SLC12A3: variants seen among roughly 807,000 people sequenced by gnomAD.
SLC12A3 encodes the protein solute carrier family 12 member 3, also known as Na-Cl cotransporter.
SLC12A3 carries 104 observed loss-of-function variants against 121.0 expected under a neutral mutation model. That is an observed-to-expected ratio of 0.86 (90% confidence interval 0.73 to 1.01). The LOEUF is 1.01. Ranked by LOEUF, SLC12A3 falls within the 50% of genes least tolerant of loss-of-function variation. The pLI is 0.00. For missense variants in SLC12A3, 1,328 were observed against 1,356.3 expected, an observed-to-expected ratio of 0.98 and a Z score of 0.33; for synonymous variants, 536 against 533.4, an observed-to-expected ratio of 1.00 and a Z score of -0.07.
chr16:56,876,875 C>G (rs1159990556), intron 8 of SLC12A3, among the ~76,000 whole-genome samples: 2 of 152,178 alleles, frequency 1.3e-5, no homozygotes, highest in African/African-American at 4.8e-5. Context: ...CTGTAAAAAT[C>G]CCAGCCTGTG....
chr16:56,882,559 T>G (rs1338985186), intron 13 of SLC12A3, 62 bp downstream of exon 13: 10 of 1,317,922 alleles, frequency 7.6e-6, no homozygotes, highest in Non-Finnish European at 1.1e-5. Context: ...AACTGGGGCA[T>G]GGGGTGGGAG....
intron 11 of SLC12A3, 45 bp downstream of exon 11, chr16:56,879,694 T>A: frequency 1.4e-6 from 2 of 1,450,210 alleles, no homozygotes; most frequent in Non-Finnish European, 1.9e-6. Context: ...GTGGGGAGCC[T>A]GGGCTAGAGG....
rs1036132756 is a variant in SLC12A3, at chr16:56,899,511, C to A, written c.2634-19C>A. On this transcript the variant is annotated intron_variant, in intron 22 of 25. Coordinates refer to ENST00000563236, the MANE Select transcript of SLC12A3 (RefSeq NM_001126108.2). ...CTCAAGAAAAAGTAATAACAATAAA[C>A]CCTCCATGTGTCCTCCAGGATCATT... The A allele has an allele frequency of 7.5e-6, 12 of 1,590,896 alleles. No individual in the cohort carries two copies. The highest frequency in any genetic ancestry group is 5.5e-5 in the South Asian group (5 of 90,622).
intron 18 of SLC12A3, 126 bp from the exon 19 acceptor site, chr16:56,890,148 G>A (rs566368594): frequency 1.3e-6 from 1 of 754,232 alleles, no homozygotes; most frequent in East Asian, 2.5e-5. Context: ...GGAAACTGAG[G>A]CCCAGAGAAC....
At position 56,879,262 on chromosome 16, in the gene SLC12A3, G is replaced by A. The variant is rs780654017; in HGVS notation, c.1335+35G>A. 24 of 1,612,952 alleles carry A rather than the reference G, an allele frequency of 1.5e-5. 1 individual carries two copies. In the South Asian group the frequency reaches 2.0e-4, roughly 13 times the overall value. On this transcript the variant is annotated intron_variant, in intron 10 of 25. Transcript: ENST00000563236. ...GGAGAGCTGACCCACCAGACACAGT[G>A]GGGGCTGGGTGGAGGCTGCAGGGCC...
chr16:56,909,413 A>T (rs1253622158), intron 25 of SLC12A3, among the ~76,000 whole-genome samples: 1 of 55,864 alleles, frequency 1.8e-5, no homozygotes, highest in Non-Finnish European at 3.8e-5. Context: ...CTCCCTTCCC[A>T]CCCCCCATCC....
At chr16:56,892,048 A>G (rs776933602) in intron 19 of SLC12A3, 35 bp from the exon 20 acceptor site, 5 of 1,552,500 alleles carry the variant, frequency 3.2e-6, no homozygotes, top group Non-Finnish European at 4.4e-6. Context: ...TCAGACAAGG[A>G]GAGCCTGTGA....
rs1444557969 is a variant in SLC12A3 at position 56,902,038 on chromosome 16, C to T, written c.2721-335C>T. On this transcript the variant is annotated intron_variant, in intron 23 of 25. Transcript: ENST00000563236. ...ATATTTATTTGCTACTTGCTTATCACCGTGGCTCTGTGAGGACTGGGGACA... is the reference window on the plus strand; with the variant it reads ...ATATTTATTTGCTACTTGCTTATCATCGTGGCTCTGTGAGGACTGGGGACA... 2.6e-5 allele frequency among the ~76,000 whole-genome samples: 4 copies of T among 152,202 alleles called. No individual in the cohort carries two copies. In the East Asian group the frequency reaches 7.7e-4, roughly 29 times the overall value.
intron 4 of SLC12A3, 69 bp downstream of exon 4, chr16:56,869,893 A>C: frequency 6.8e-7 from 1 of 1,469,632 alleles, no homozygotes; most frequent in South Asian, 1.1e-5. Context: ...AGGACTCCCA[A>C]CTTCCCCAAC....
chr16:56,909,694 G>C (rs983885844), intron 25 of SLC12A3, among the ~76,000 whole-genome samples: 1 of 152,054 alleles, frequency 6.6e-6, no homozygotes, highest in Non-Finnish European at 1.5e-5. Context: ...TCAGTCAGAG[G>C]GTCCGCTTCA....
Position 56,872,708 on chromosome 16 carries a change from C to T in SLC12A3, c.1017C>T (p.Thr339=), listed in dbSNP as rs1159677951. Residue 339 remains threonine (T), a synonymous_variant, in exon 8 of 26, where the codon ACC becomes ACT. Transcript: ENST00000563236. ...CTGACTGGCGGGGTCCAGATGGCACCTTCTTCGGAATGTTCTCCATCTTCT... is the reference window on the plus strand; with the variant it reads ...CTGACTGGCGGGGTCCAGATGGCACTTTCTTCGGAATGTTCTCCATCTTCT... ...LVPDWRGPDG[T]FFGMFSIFFP... 1.9e-6 allele frequency: 3 copies of T among 1,614,256 alleles called. No individual in the cohort carries two copies. Among genetic ancestry groups the T allele is most frequent in the Non-Finnish European group, 2.5e-6 (3 of 1,180,044 alleles).
intron 18 of SLC12A3, among the ~76,000 whole-genome samples, chr16:56,888,982 G>A (rs1405771325): frequency 6.6e-6 from 1 of 152,218 alleles, no homozygotes; most frequent in Non-Finnish European, 1.5e-5. Flanking sequence ...CGGTGCCCCT[G>A]AACAGGGAAG....
intron 25 of SLC12A3, among the ~76,000 whole-genome samples, chr16:56,911,487 G>A (rs2055684875): frequency 6.6e-6 from 1 of 152,052 alleles, no homozygotes; most frequent in Non-Finnish European, 1.5e-5. Flanking sequence ...ATCATGCCCA[G>A]CTAATTTTTC....
At chr16:56,903,939 C>T (rs1219707474) in intron 24 of SLC12A3, among the ~76,000 whole-genome samples, 2 of 152,188 alleles carry the variant, frequency 1.3e-5, no homozygotes, top group African/African-American at 4.8e-5. Context: ...TTTTAGTGTA[C>T]CAGGCCCTCT....
rs535960236 is a variant in SLC12A3 at position 56,870,790 on chromosome 16, G to C, written c.852+54G>C. The C allele has an allele frequency of 7.9e-4, 882 of 1,119,760 alleles. 9 individuals carry two copies. In the South Asian group the frequency reaches 0.01, roughly 13 times the overall value. 69.4% of individuals were successfully genotyped at this position (1,119,760 alleles called of 1,614,324 possible). A position where few individuals can be genotyped will look rare whatever the true frequency, so the allele number is the denominator to read the frequency against. On this transcript the variant is annotated intron_variant, in intron 6 of 25. Coordinates refer to ENST00000563236, the MANE Select transcript of SLC12A3 (RefSeq NM_001126108.2). Reference sequence around the variant, plus strand: ...GGAGGTGGTCACGTGGAGAAGCGGGGGTTGCCAGGCCTGGGCCCTCCCTGG... The same window carrying C: ...GGAGGTGGTCACGTGGAGAAGCGGGCGTTGCCAGGCCTGGGCCCTCCCTGG...
chr16:56,877,157 T>C (rs79968526), intron 8 of SLC12A3, among the ~76,000 whole-genome samples: 8,944 of 152,226 alleles, frequency 0.059, 437 homozygotes, highest in African/African-American at 0.13. Flanking sequence ...TTTGGGAGGC[T>C]GAGGTGGGTG....
At chr16:56,869,152 A>G (rs1964430527) in intron 3 of SLC12A3, among the ~76,000 whole-genome samples, 1 of 152,152 alleles carries the variant, frequency 6.6e-6, no homozygotes, top group Admixed American at 6.5e-5. Context: ...TGTGGCTTTT[A>G]CAGGATGCAA....
chr16:56,900,519 T>TTTTATTTAGTTATTTA (rs2055523730), intron 23 of SLC12A3, among the ~76,000 whole-genome samples: 2 of 148,436 alleles, frequency 1.3e-5, no homozygotes, highest in African/African-American at 5.0e-5. Context: ...AGCATCTGAT[T>TTTTATTTAGTTATTTA]TTTATTTATT....
intron 3 of SLC12A3, among the ~76,000 whole-genome samples, chr16:56,868,700 C>T (rs1216498852): frequency 1.1e-4 from 16 of 152,178 alleles, no homozygotes; most frequent in African/African-American, 2.9e-4. Flanking sequence ...CGGTGGCTCA[C>T]GCTTTGGGAG....
Sources: allele counts gnomAD v4.1 joint callset (sites outside exome capture counted in the v4.1 genomes callset), GRCh38; gene constraint gnomAD v4.1.1; transcripts MANE v1.5; gene names NCBI Gene and HGNC (gene_info 2026-07-23, HGNC 2026-07-21).